The following SKAP1 variants were observed in gnomAD, a reference collection of about 807,000 sequenced individuals.
SKAP1 encodes src kinase-associated phosphoprotein 1.
SKAP1 carries 44 observed loss-of-function variants against 58.5 expected under a neutral mutation model. That is an observed-to-expected ratio of 0.75 (90% CI 0.59 to 0.97). SKAP1 has a LOEUF of 0.97. SKAP1 is among the 50% of genes least tolerant of loss of function. SKAP1 has a pLI of 0.00. For synonymous variants in SKAP1, 127 were observed against 149.7 expected (o/e 0.85, Z 1.11); for missense variants, 390 against 435.2 (o/e 0.90, Z 0.92).
chr17:48,431,277 C>T (rs1385385204), upstream of SKAP1, among the ~76,000 whole-genome samples: 3 of 151,970 alleles, frequency 2.0e-5, no homozygotes, highest in Non-Finnish European at 4.4e-5. Context: ...CCCAGTGTAC[C>T]CCAGCCTGGG....
chr17:48,443,595 A>T, the SKAP1 span, among the ~76,000 whole-genome samples: 3 of 151,918 alleles, frequency 2.0e-5, no homozygotes, highest in African/African-American at 7.3e-5. Flanking sequence ...CCTGCCTCAG[A>T]CTTCCGAATA....
chr17:48,384,815 T>C (rs1254505451), intron 2 of SKAP1, among the ~76,000 whole-genome samples: 2 of 152,206 alleles, frequency 1.3e-5, no homozygotes, highest in Non-Finnish European at 2.9e-5. Context: ...GAAGGAGGTA[T>C]GCAATATGCT....
chr17:48,355,870 C>T (rs972655172), intron 3 of SKAP1, among the ~76,000 whole-genome samples: 3 of 151,070 alleles, frequency 2.0e-5, no homozygotes, highest in African/African-American at 7.3e-5. Context: ...AAACTCAACA[C>T]ACCTATATAT....
upstream of SKAP1, among the ~76,000 whole-genome samples, chr17:48,430,984 T>C (rs1317942754): frequency 2.6e-5 from 4 of 152,234 alleles, no homozygotes; most frequent in Admixed American, 2.6e-4. Context: ...GATGTTACCC[T>C]TGGGGGAAAC....
intron 4 of SKAP1, among the ~76,000 whole-genome samples, chr17:48,199,517 C>T (rs149508962): frequency 1.3e-5 from 2 of 152,330 alleles, no homozygotes; most frequent in East Asian, 1.9e-4. Flanking sequence ...TCAAATGTCA[C>T]ATCCTCTTTG....
At chr17:48,387,852 TC>T (rs1015403846) in intron 2 of SKAP1, among the ~76,000 whole-genome samples, 28 of 152,160 alleles carry the variant, frequency 1.8e-4, no homozygotes, top group African/African-American at 6.5e-4. Flanking sequence ...TTTCAGGATA[TC>T]CCAGGTAGAA....
upstream of SKAP1, among the ~76,000 whole-genome samples, chr17:48,431,292 AG>A (rs2067913660): frequency 6.6e-6 from 1 of 152,188 alleles, no homozygotes; most frequent in African/African-American, 2.4e-5. Flanking sequence ...CCTGGGCAAC[AG>A]AGCAAGACCC....
At chr17:48,168,659 A>AAAAC (rs983718399) in intron 10 of SKAP1, among the ~76,000 whole-genome samples, 1 of 152,136 alleles carries the variant, frequency 6.6e-6, no homozygotes, top group Non-Finnish European at 1.5e-5. Context: ...TTCATCTCAA[A>AAAAC]AAACAAACAA....
chr17:48,356,009 C>T (rs2144366669), intron 3 of SKAP1, among the ~76,000 whole-genome samples: 1 of 152,140 alleles, frequency 6.6e-6, no homozygotes, highest in African/African-American at 2.4e-5. Context: ...AATCCCAGCA[C>T]TTTGGGAGAC....
intron 4 of SKAP1, among the ~76,000 whole-genome samples, chr17:48,205,037 TTCTC>T (rs376567367): frequency 1.5e-3 from 86 of 55,792 alleles, no homozygotes; most frequent in African/African-American, 4.3e-3. Flanking sequence ...CTTTCTTTCT[TTCTC>T]TCTCTCTCTT....
intron 4 of SKAP1, among the ~76,000 whole-genome samples, chr17:48,291,503 TGCAAACAGTAAC>T (rs1309637373): frequency 6.6e-6 from 1 of 152,212 alleles, no homozygotes; most frequent in Non-Finnish European, 1.5e-5. Context: ...CAAATCATTC[TGCAAACAGTAAC>T]GCAGATTCCA....
chr17:48,333,184 A>G (rs1331249669), intron 4 of SKAP1, among the ~76,000 whole-genome samples: 1 of 152,166 alleles, frequency 6.6e-6, no homozygotes, highest in East Asian at 1.9e-4. Flanking sequence ...TGTCACAATT[A>G]CTTACTCAAC....
At chr17:48,201,259 T>C (rs1379889182) in intron 4 of SKAP1, among the ~76,000 whole-genome samples, 4 of 151,832 alleles carry the variant, frequency 2.6e-5, no homozygotes, top group Admixed American at 2.6e-4. Flanking sequence ...TTTCTCTCTC[T>C]CTCTTTTTCC....
chr17:48,264,923 T>C lies in SKAP1; in HGVS notation c.281-75423A>G, dbSNP rs141627815. Among the ~76,000 whole-genome samples the C allele has an allele frequency of 7.2e-5, 11 of 152,252 alleles. No individual in the cohort carries two copies. In the East Asian group the frequency reaches 2.1e-3, roughly 29 times the overall value. ...TCTGTTTGACTTTCCGAAGCTGGCA[T>C]GGGGAGCTGAAGTCTGAATCACAAA... is the stretch of plus-strand genomic sequence containing the variant. On this transcript the variant is annotated intron_variant, in intron 4 of 12. Transcript: ENST00000336915.
intron 2 of SKAP1, among the ~76,000 whole-genome samples, chr17:48,380,999 T>C (rs1206647141): frequency 6.6e-6 from 1 of 152,250 alleles, no homozygotes; most frequent in Non-Finnish European, 1.5e-5. Flanking sequence ...TTACAGTGCT[T>C]TGTATACAAA....
chr17:48,171,888 C>T (rs1208138668), intron 9 of SKAP1, among the ~76,000 whole-genome samples: 2 of 151,976 alleles, frequency 1.3e-5, no homozygotes, highest in Non-Finnish European at 2.9e-5. Context: ...TGGTGAAACC[C>T]CGTCTGTGCT....
chr17:48,167,432 T>C lies in SKAP1; in HGVS notation c.877+3177A>G, dbSNP rs1008964173. ...GTTAATAATCAGCTCATGTTTGGTC[T>C]TGGAAAACAGGCTTCAAAAGGTAAG... On this transcript the variant is annotated intron_variant, in intron 10 of 12. Transcript: ENST00000336915. 2.0e-5 allele frequency among the ~76,000 whole-genome samples: 3 copies of C among 152,346 alleles called. No homozygotes were observed. The East Asian group carries it at 5.8e-4, about 29-fold the overall frequency.
chr17:48,387,502 T>C (rs1204584365), intron 2 of SKAP1, among the ~76,000 whole-genome samples: 1 of 152,212 alleles, frequency 6.6e-6, no homozygotes, highest in Non-Finnish European at 1.5e-5. Flanking sequence ...TCCTGTACAT[T>C]TAATAATTTC....
At chr17:48,408,930 T>C (rs145749803) in intron 1 of SKAP1, among the ~76,000 whole-genome samples, 1 of 152,334 alleles carries the variant, frequency 6.6e-6, no homozygotes, top group Non-Finnish European at 1.5e-5. Context: ...CAAAGAGACT[T>C]AACAAGTTCC....
Sources: allele counts gnomAD v4.1 joint callset (sites outside exome capture counted in the v4.1 genomes callset), GRCh38; gene constraint gnomAD v4.1.1; transcripts MANE v1.5; gene names NCBI Gene and HGNC (gene_info 2026-07-23, HGNC 2026-07-21).